Variants in SRPK2 observed in about 807,000 individuals in gnomAD.
SRPK2 encodes the protein SFRS protein kinase 2.
Under a neutral mutation model 90.8 loss-of-function variants are expected in SRPK2, and 21 were observed. That is an observed-to-expected ratio of 0.23 (90% CI 0.16 to 0.33). SRPK2 has a LOEUF of 0.33. SRPK2 is among the 10% of genes least tolerant of loss of function. The probability of loss-of-function intolerance (pLI) is 1.00; values close to 1 mark genes in which losing one functional copy is unlikely to be tolerated. For missense variants in SRPK2, 620 were observed against 869.0 expected, an observed-to-expected ratio of 0.71 and a Z score of 3.60; for synonymous variants, 288 against 311.1, an observed-to-expected ratio of 0.93 and a Z score of 0.78.
chr7:105,235,640 CT>C (rs1293940826), intron 2 of SRPK2, among the ~76,000 whole-genome samples: 1 of 151,988 alleles, frequency 6.6e-6, no homozygotes, highest in Non-Finnish European at 1.5e-5. Flanking sequence ...TATTGTTTTG[CT>C]TTTTCATATG....
At chr7:105,120,648 G>A (rs1324856651) in intron 15 of SRPK2, among the ~76,000 whole-genome samples, 3 of 149,080 alleles carry the variant, frequency 2.0e-5, no homozygotes, top group South Asian at 2.1e-4. Flanking sequence ...ACACTGAACC[G>A]CCTCTAAAAA....
intron 2 of SRPK2, among the ~76,000 whole-genome samples, chr7:105,329,450 T>TGGCATGGTGGTGAACGCATGGAATC (rs971892689): frequency 6.6e-6 from 1 of 151,874 alleles, no homozygotes; most frequent in Non-Finnish European, 1.5e-5. Flanking sequence ...AAAATTAGCC[T>TGGCATGGTGGTGAACGCATGGAATC]GGCATGGTGG....
chr7:105,380,760 G>A (rs1229704259), intron 2 of SRPK2, among the ~76,000 whole-genome samples: 1 of 151,650 alleles, frequency 6.6e-6, no homozygotes, highest in East Asian at 1.9e-4. Flanking sequence ...CTGACCTTGT[G>A]ATCTGCCCAC....
chr7:105,338,260 T>G (rs1450486522), intron 2 of SRPK2, among the ~76,000 whole-genome samples: 2 of 152,084 alleles, frequency 1.3e-5, no homozygotes, highest in Non-Finnish European at 2.9e-5. Context: ...TTTGTTTTGT[T>G]TTTTGTTTTT....
chr7:105,295,269 T>C (rs554905142), intron 2 of SRPK2, among the ~76,000 whole-genome samples: 9 of 151,750 alleles, frequency 5.9e-5, no homozygotes, highest in Admixed American at 2.0e-4. Flanking sequence ...AATCTATCTT[T>C]ACATATTTAT....
At chr7:105,310,386 T>G (rs1192990816) in intron 2 of SRPK2, among the ~76,000 whole-genome samples, 1 of 152,176 alleles carries the variant, frequency 6.6e-6, no homozygotes, top group Non-Finnish European at 1.5e-5. Flanking sequence ...ATATTAAATG[T>G]AAAAAATATG....
At chr7:105,269,525 G>C (rs987209554) in intron 2 of SRPK2, among the ~76,000 whole-genome samples, 11 of 152,204 alleles carry the variant, frequency 7.2e-5, no homozygotes, top group Non-Finnish European at 1.2e-4. Flanking sequence ...CAGTACAAGT[G>C]AACAGCAACA....
intron 2 of SRPK2, among the ~76,000 whole-genome samples, chr7:105,349,678 G>C (rs1042409532): frequency 6.6e-6 from 1 of 152,134 alleles, no homozygotes; most frequent in African/African-American, 2.4e-5. Context: ...AAAAACCAGA[G>C]ATAACTGAAC....
At chr7:105,315,094 T>TAGGGGATCC (rs1812169382) in intron 2 of SRPK2, among the ~76,000 whole-genome samples, 1 of 152,158 alleles carries the variant, frequency 6.6e-6, no homozygotes, top group Admixed American at 6.5e-5. Flanking sequence ...CTGCACACCA[T>TAGGGGATCC]AGGGGATCCC....
At chr7:105,187,421 T>A (rs1430210207) in intron 3 of SRPK2, among the ~76,000 whole-genome samples, 1 of 152,234 alleles carries the variant, frequency 6.6e-6, no homozygotes, top group South Asian at 2.1e-4. Context: ...TTGCTAAATT[T>A]CACCGAATAA....
intron 7 of SRPK2, among the ~76,000 whole-genome samples, chr7:105,158,870 A>G (rs1185145816): frequency 1.3e-5 from 2 of 150,388 alleles, no homozygotes; most frequent in Admixed American, 1.3e-4. Flanking sequence ...ATAATACACT[A>G]GTCTTATTTG....
At chr7:105,177,902 G>A (rs922933162) in intron 3 of SRPK2, among the ~76,000 whole-genome samples, 3 of 151,662 alleles carry the variant, frequency 2.0e-5, no homozygotes, top group South Asian at 4.2e-4. Flanking sequence ...AGTGGCGGGC[G>A]CCTGTAGTCC....
chr7:105,391,775 A>G (rs1411133071), upstream of SRPK2, among the ~76,000 whole-genome samples: 1 of 152,224 alleles, frequency 6.6e-6, no homozygotes, highest in African/African-American at 2.4e-5. Flanking sequence ...GGGAATGTAA[A>G]ATGGTGCAGT....
At chr7:105,167,919 C>A in intron 5 of SRPK2, 89 bp downstream of exon 5, 3 of 1,183,072 alleles carry the variant, frequency 2.5e-6, no homozygotes, top group Non-Finnish European at 3.6e-6. Flanking sequence ...CCAAACTTGA[C>A]TTTAATTTAG....
chr7:105,169,307 A>G, intron 3 of SRPK2, 42 bp from the exon 4 acceptor site: 1 of 1,444,098 alleles, frequency 6.9e-7, no homozygotes, highest in Non-Finnish European at 9.7e-7. Context: ...AAAATATTCG[A>G]AAAGTAGTAA....
intron 3 of SRPK2, among the ~76,000 whole-genome samples, chr7:105,170,261 T>C (rs1790636474): frequency 6.6e-6 from 1 of 152,236 alleles, no homozygotes; most frequent in South Asian, 2.1e-4. Flanking sequence ...GTTTACTCTG[T>C]ATAATTCTGC....
intron 2 of SRPK2, among the ~76,000 whole-genome samples, chr7:105,382,246 T>A (rs746522796): frequency 6.7e-6 from 1 of 150,076 alleles, no homozygotes; most frequent in Admixed American, 6.7e-5. Flanking sequence ...AATGGAATAC[T>A]TGTTACCAAT....
chr7:105,370,650 C>G (rs1819594632), intron 2 of SRPK2, among the ~76,000 whole-genome samples: 1 of 134,780 alleles, frequency 7.4e-6, no homozygotes, highest in Non-Finnish European at 1.5e-5. Context: ...GACTCTCGCT[C>G]TGCACCCCAG....
At chr7:105,229,307 C>G (rs550277859) in intron 2 of SRPK2, among the ~76,000 whole-genome samples, 1 of 152,078 alleles carries the variant, frequency 6.6e-6, no homozygotes, top group East Asian at 1.9e-4. Flanking sequence ...AATAAAAATA[C>G]AAAAAAATTA....
Sources: allele counts gnomAD v4.1 joint callset (sites outside exome capture counted in the v4.1 genomes callset), GRCh38; gene constraint gnomAD v4.1.1; transcripts MANE v1.5; gene names NCBI Gene and HGNC (gene_info 2026-07-23, HGNC 2026-07-21).